The following LRBA variants were observed in gnomAD, a reference collection of about 807,000 sequenced individuals.
LRBA encodes LPS responsive beige-like anchor protein, also known as lipopolysaccharide-responsive and beige-like anchor protein.
LRBA carries 176 observed loss-of-function variants against 330.0 expected under a neutral mutation model. That is an observed-to-expected ratio of 0.53 (90% CI 0.47 to 0.60). The LOEUF (loss-of-function observed/expected upper bound fraction) is 0.60. Ranked by LOEUF, LRBA falls within the 20% of genes least tolerant of loss-of-function variation. The probability of loss-of-function intolerance (pLI) is 0.00; values close to 1 mark genes in which losing one functional copy is unlikely to be tolerated. For missense variants in LRBA, 3,259 were observed against 3,444.8 expected (o/e 0.95, Z 1.35); for synonymous variants, 1,230 against 1,193.0 (o/e 1.03, Z -0.64).
intron 34 of LRBA, among the ~76,000 whole-genome samples, chr4:150,768,698 G>T (rs1167474391): frequency 6.6e-6 from 1 of 151,302 alleles, no homozygotes; most frequent in African/African-American, 2.4e-5. Flanking sequence ...GTTATGCTTA[G>T]GAATGAGCAA....
intron 40 of LRBA, among the ~76,000 whole-genome samples, chr4:150,562,031 T>C (rs577095889): frequency 3.8e-4 from 58 of 152,292 alleles, no homozygotes; most frequent in South Asian, 3.3e-3. Context: ...GTGCTCTCTC[T>C]ACCCTCAGCA....
intron 30 of LRBA, among the ~76,000 whole-genome samples, chr4:150,819,454 A>C (rs1045789015): frequency 6.6e-6 from 1 of 151,984 alleles, no homozygotes; most frequent in African/African-American, 2.4e-5. Flanking sequence ...CCAGTTAGAG[A>C]GCTGCATGCT....
Position 150,852,626 on chromosome 4 carries a change from T to C in LRBA, c.3084A>G (p.Leu1028=), listed in dbSNP as rs1305088791. 6.2e-7 allele frequency: 1 copy of C among 1,614,088 alleles called. No homozygotes were observed. The highest frequency in any genetic ancestry group is 8.5e-7 in the Non-Finnish European group (1 of 1,179,966). The change falls in exon 23 of 57, where the codon TTA becomes TTG. Residue 1028 remains leucine (L), a synonymous_variant. Coordinates refer to ENST00000651943, the MANE Select transcript of LRBA (RefSeq NM_001364905.1). ...EMKAEQENQE[L]PDEGTLEETL... is the part of the protein sequence containing the mutation. ...TTTCTTCCAAAGTGCCTTCATCTGG[T>C]AACTCCTGATTTTCTTGCTCAGCTT...
At chr4:150,627,065 T>C (rs934213599) in intron 37 of LRBA, among the ~76,000 whole-genome samples, 3 of 152,056 alleles carry the variant, frequency 2.0e-5, no homozygotes, top group African/African-American at 7.2e-5. Context: ...AAAATGTAAG[T>C]TTATGCTCAA....
At chr4:150,946,677 TTAAAGAA>T (rs1199201189) in intron 2 of LRBA, among the ~76,000 whole-genome samples, 3 of 152,018 alleles carry the variant, frequency 2.0e-5, no homozygotes, top group African/African-American at 7.2e-5. Context: ...AGTTTCCATT[TTAAAGAA>T]CCTAGTAGAA....
At chr4:150,871,929 T>G (rs1475620085) in intron 18 of LRBA, among the ~76,000 whole-genome samples, 1 of 152,136 alleles carries the variant, frequency 6.6e-6, no homozygotes, top group Non-Finnish European at 1.5e-5. Flanking sequence ...AAGCATAAAT[T>G]CAGAAACTAA....
intron 2 of LRBA, among the ~76,000 whole-genome samples, chr4:150,997,502 G>A (rs991130245): frequency 6.6e-6 from 1 of 152,038 alleles, no homozygotes; most frequent in Admixed American, 6.6e-5. Flanking sequence ...GGATTTCTAT[G>A]CAGGTTACTT....
intron 47 of LRBA, among the ~76,000 whole-genome samples, chr4:150,377,801 C>T (rs2151881425): frequency 6.6e-6 from 1 of 151,894 alleles, no homozygotes; most frequent in Non-Finnish European, 1.5e-5. Context: ...TTCTTGCCAA[C>T]ATGGTGAAAT....
Position 150,873,149 on chromosome 4 carries a change from C to T in LRBA, c.2166-394G>A, listed in dbSNP as rs75288056. On this transcript the variant is annotated intron_variant, in intron 17 of 56. Transcript: ENST00000651943. The stretch of plus-strand genomic sequence containing the variant: ...CATATTTAAATTTCTAAATAATTGT[C>T]GCCATGAAAAACAAGACAGTAGGCT... Among the ~76,000 whole-genome samples, 85 of 152,006 alleles carry T rather than the reference C, an allele frequency of 5.6e-4. 2 individuals carry two copies. The East Asian group carries it at 0.015, about 27-fold the overall frequency.
intron 22 of LRBA, among the ~76,000 whole-genome samples, chr4:150,855,349 A>G (rs1751099450): frequency 6.6e-6 from 1 of 152,192 alleles, no homozygotes; most frequent in Admixed American, 6.5e-5. Context: ...ATCATTGTCA[A>G]AAGAAAGCAA....
chr4:150,773,116 C>T (rs1331406098), intron 34 of LRBA, among the ~76,000 whole-genome samples: 2 of 152,186 alleles, frequency 1.3e-5, no homozygotes, highest in African/African-American at 4.8e-5. Context: ...CAACTTCTGA[C>T]ATGCAAATGC....
intron 20 of LRBA, 98 bp from the exon 21 acceptor site, chr4:150,868,403 C>G: frequency 1.4e-6 from 1 of 725,534 alleles, no homozygotes; most frequent in Non-Finnish European, 2.1e-6. Flanking sequence ...TTCCCTAACA[C>G]AAATGTCTAC....
chr4:150,898,152 G>A (rs986764379), intron 14 of LRBA, among the ~76,000 whole-genome samples: 4 of 151,932 alleles, frequency 2.6e-5, no homozygotes, highest in African/African-American at 7.3e-5. Context: ...GACTCTGAGA[G>A]TATTAGTAAG....
intron 44 of LRBA, among the ~76,000 whole-genome samples, chr4:150,444,464 T>A (rs985208377): frequency 2.1e-4 from 32 of 152,280 alleles, no homozygotes; most frequent in Admixed American, 3.9e-4. Context: ...TAGCGCTCTT[T>A]CATCTAAATG....
chr4:150,841,765 G>A (rs189849423), intron 28 of LRBA, among the ~76,000 whole-genome samples: 4 of 151,974 alleles, frequency 2.6e-5, no homozygotes, highest in East Asian at 3.9e-4. Context: ...CCATTCTCCC[G>A]CCTCAGCCTC....
Position 150,264,471 on chromosome 4 carries a change from T to TAATG in LRBA, c.*1247_*1250dup, listed in dbSNP as rs1745058885. 1.1e-5 allele frequency: 1 copy of TAATG among 95,130 alleles called. No individual in the cohort carries two copies. Among genetic ancestry groups the TAATG allele is most frequent in the African/African-American group, 3.0e-5 (1 of 33,888 alleles). 5.9% of individuals were successfully genotyped at this position (95,130 alleles called of 1,614,324 possible). On this transcript the variant is annotated 3_prime_UTR_variant, in exon 57 of 57. Coordinates refer to ENST00000651943, the MANE Select transcript of LRBA (RefSeq NM_001364905.1). ...CTTTCTTTGTGAATCATTATTTTAT[T>TAATG]AATGATGTTTAAAATTTAGGAGCAA...
chr4:150,568,869 A>G (rs1769488890), intron 40 of LRBA, among the ~76,000 whole-genome samples: 1 of 152,108 alleles, frequency 6.6e-6, no homozygotes, highest in South Asian at 2.1e-4. Context: ...ACAATGAAAA[A>G]TTAACCCTGG....
At chr4:150,761,978 T>C (rs1735156664) in intron 34 of LRBA, 131 bp from the exon 35 acceptor site, 3 of 606,448 alleles carry the variant, frequency 4.9e-6, no homozygotes, top group Non-Finnish European at 8.8e-6. Flanking sequence ...TTAAACCATA[T>C]GAACAGGTAA....
At position 150,489,265 on chromosome 4, in the gene LRBA, A is replaced by AATATATATTATATATACGT. The variant is rs1337777307; in HGVS notation, c.6449-1432_6449-1431insACGTATATATAATATATAT. On this transcript the variant is annotated intron_variant, in intron 41 of 56. Transcript: ENST00000651943. ...GAATATATAATATATTATATATAAG[A>AATATATATTATATATACGT]ATATATAATATATTATATATAAGAA... 2.3e-3 allele frequency among the ~76,000 whole-genome samples: 78 copies of AATATATATTATATATACGT among 34,446 alleles called. 4 individuals are homozygous for AATATATATTATATATACGT. Among genetic ancestry groups the AATATATATTATATATACGT allele is most frequent in the Middle Eastern group, 0.036 (1 of 28 alleles). 22.6% of individuals were successfully genotyped at this position (34,446 alleles called of 152,430 possible).
Sources: gnomAD v4.1 joint callset for allele counts (sites outside exome capture counted in the v4.1 genomes callset) on GRCh38, gnomAD v4.1.1 for gene constraint, MANE v1.5 for transcripts, NCBI Gene and HGNC (gene_info 2026-07-23, HGNC 2026-07-21) for gene names.